LRRTM3: variants seen among roughly 807,000 people sequenced by gnomAD.
The protein encoded by LRRTM3 is leucine-rich repeat transmembrane neuronal protein 3.
A neutral mutation model predicts 44.7 loss-of-function variants in LRRTM3; 24 were observed. The observed-to-expected ratio is 0.54, with a 90% confidence interval of 0.39 to 0.76. The LOEUF is 0.76. LRRTM3 is among the 30% of genes least tolerant of loss of function. LRRTM3 has a pLI of 0.00. For missense variants in LRRTM3, 587 were observed against 702.2 expected (o/e 0.84, Z 1.85); for synonymous variants, 277 against 278.7 (o/e 0.99, Z 0.06).
At chr10:66,984,101 T>C (rs1850596183) in intron 2 of LRRTM3, among the ~76,000 whole-genome samples, 1 of 152,212 alleles carries the variant, frequency 6.6e-6, no homozygotes, top group Admixed American at 6.6e-5. Context: ...CAGTAAATAG[T>C]TATTGAGCAC....
At chr10:66,989,723 G>T (rs1850936841) in intron 2 of LRRTM3, among the ~76,000 whole-genome samples, 2 of 152,020 alleles carry the variant, frequency 1.3e-5, no homozygotes, top group South Asian at 4.2e-4. Context: ...CCTCTAGATG[G>T]GTTTTTGAGT....
Sources: gnomAD v4.1 joint callset for allele counts (sites outside exome capture counted in the v4.1 genomes callset) on GRCh38, gnomAD v4.1.1 for gene constraint, MANE v1.5 for transcripts, NCBI Gene and HGNC (gene_info 2026-07-23, HGNC 2026-07-21) for gene names.